PRSS23: variants seen among roughly 807,000 people sequenced by gnomAD.
PRSS23 encodes the protein protease, serine 23.
Under a neutral mutation model 34.7 loss-of-function variants are expected in PRSS23, and 25 were observed. The observed-to-expected ratio is 0.72, with a 90% CI of 0.53 to 1.01. PRSS23 has a LOEUF of 1.01. Among genes scored for constraint, PRSS23 ranks in the 50% least tolerant of loss-of-function variants. PRSS23 has a pLI of 0.00. For missense variants in PRSS23, 445 were observed against 475.6 expected (o/e 0.94, Z 0.60); for synonymous variants, 176 against 186.6 (o/e 0.94, Z 0.46).
chr11:86,848,413 A>T (rs1948504306), intron 2 of PRSS23, among the ~76,000 whole-genome samples: 1 of 152,210 alleles, frequency 6.6e-6, no homozygotes, highest in Non-Finnish European at 1.5e-5. Context: ...CCTTATTGGG[A>T]TACTGACTCA....
chr11:86,903,731 C>T (rs1260808031), intron 2 of PRSS23, among the ~76,000 whole-genome samples: 1 of 152,130 alleles, frequency 6.6e-6, no homozygotes, highest in Non-Finnish European at 1.5e-5. Context: ...GATCCACCTG[C>T]CTCGGCCTCC....
Position 86,952,597 on chromosome 11 carries a change from G to A in PRSS23, c.*1312G>A, listed in dbSNP as rs1171811791. 4.7e-5 allele frequency: 46 copies of A among 985,390 alleles called. 1 individual carries two copies. The highest frequency in any genetic ancestry group is 1.3e-4 in the African/African-American group (8 of 63,094). The allele number at this position is 985,390 out of a possible 1,614,324, so 61.0% of individuals were successfully genotyped here. ...GTATCTACTTTTAAACCAACCTATC[G>A]GGAGTCTGTCTGTTTACTCTGACCT... On this transcript the variant is annotated 3_prime_UTR_variant, in exon 3 of 3. Transcript: ENST00000533902.
At chr11:86,883,047 GTTGT>G in intron 2 of PRSS23, among the ~76,000 whole-genome samples, 1 of 152,248 alleles carries the variant, frequency 6.6e-6, no homozygotes, top group South Asian at 2.1e-4. Context: ...TTTTAATGGT[GTTGT>G]TTGTTTCTTT....
At chr11:86,832,926 A>C (rs951803991) in intron 2 of PRSS23, 4 of 351,582 alleles carry the variant, frequency 1.1e-5, no homozygotes, top group Non-Finnish European at 2.2e-5. Flanking sequence ...TCACAGAAGA[A>C]ATTAGGAATT....
intron 2 of PRSS23, among the ~76,000 whole-genome samples, chr11:86,894,552 G>A (rs1207357509): frequency 6.6e-6 from 1 of 152,164 alleles, no homozygotes; most frequent in Non-Finnish European, 1.5e-5. Context: ...AGCTCCCAGT[G>A]TCAAGGGACC....
intron 2 of PRSS23, among the ~76,000 whole-genome samples, chr11:86,925,242 T>A (rs1949072930): frequency 1.0e-5 from 1 of 96,092 alleles, no homozygotes; most frequent in Non-Finnish European, 2.6e-5. Flanking sequence ...TGTTTTCTCT[T>A]GGCAGGGAAT....
At chr11:86,852,641 T>C (rs553343875) in intron 2 of PRSS23, among the ~76,000 whole-genome samples, 5 of 152,332 alleles carry the variant, frequency 3.3e-5, no homozygotes, top group African/African-American at 1.2e-4. Flanking sequence ...GTTTACAGTT[T>C]AATGACATTA....
chr11:86,947,515 C>T (rs1484163564), intron 2 of PRSS23: 1 of 152,210 alleles, frequency 6.6e-6, no homozygotes, highest in East Asian at 1.9e-4. Context: ...TCTAGACACA[C>T]AAGCTTCCCG....
At chr11:86,843,819 G>A (rs1948466364) in intron 2 of PRSS23, among the ~76,000 whole-genome samples, 1 of 152,194 alleles carries the variant, frequency 6.6e-6, no homozygotes, top group Non-Finnish European at 1.5e-5. Context: ...GTTAGTGGGA[G>A]TGTAAGTTAG....
At chr11:86,884,325 A>G (rs1948788807) in intron 2 of PRSS23, among the ~76,000 whole-genome samples, 1 of 152,154 alleles carries the variant, frequency 6.6e-6, no homozygotes, top group Non-Finnish European at 1.5e-5. Flanking sequence ...TTTGAGACAG[A>G]GTCTCACTCT....
intron 2 of PRSS23, among the ~76,000 whole-genome samples, chr11:86,858,333 G>T (rs1948587792): frequency 6.6e-6 from 1 of 151,688 alleles, no homozygotes; most frequent in Admixed American, 6.6e-5. Flanking sequence ...TCCCAATATC[G>T]CAAGGGGTTT....
At chr11:86,854,002 A>C (rs190628407) in intron 2 of PRSS23, among the ~76,000 whole-genome samples, 21 of 151,922 alleles carry the variant, frequency 1.4e-4, no homozygotes, top group African/African-American at 4.6e-4. Context: ...GGCCATTGCT[A>C]TATCTTCTTT....
intron 2 of PRSS23, among the ~76,000 whole-genome samples, chr11:86,855,856 T>C (rs1190458611): frequency 6.6e-6 from 1 of 152,268 alleles, no homozygotes; most frequent in Non-Finnish European, 1.5e-5. Context: ...TTTGTCATTC[T>C]GTGCCTGGCT....
At chr11:86,877,464 A>G (rs1328645322) in intron 2 of PRSS23, among the ~76,000 whole-genome samples, 2 of 152,206 alleles carry the variant, frequency 1.3e-5, no homozygotes, top group Non-Finnish European at 2.9e-5. Flanking sequence ...ATTTTTATTA[A>G]CATATTTTTA....
At chr11:86,892,844 C>A (rs1002326014) in intron 2 of PRSS23, among the ~76,000 whole-genome samples, 1 of 152,018 alleles carries the variant, frequency 6.6e-6, no homozygotes, top group African/African-American at 2.4e-5. Flanking sequence ...GTTTTGAGAC[C>A]TCTTCTCATA....
chr11:86,882,434 C>T (rs1486603729), intron 2 of PRSS23, among the ~76,000 whole-genome samples: 1 of 152,148 alleles, frequency 6.6e-6, no homozygotes. Context: ...ATTTAGCTCC[C>T]ACTTGTAAGC....
intron 2 of PRSS23, among the ~76,000 whole-genome samples, chr11:86,888,571 G>A (rs1385561776): frequency 6.6e-6 from 1 of 152,174 alleles, no homozygotes; most frequent in Admixed American, 6.5e-5. Flanking sequence ...GTGTTCGGTG[G>A]AGTTACATGT....
chr11:86,899,885 G>T (rs1455004908), intron 2 of PRSS23, among the ~76,000 whole-genome samples: 1 of 151,768 alleles, frequency 6.6e-6, no homozygotes, highest in Non-Finnish European at 1.5e-5. Flanking sequence ...AAGTAAATTG[G>T]GAAGAGAAAC....
chr11:86,870,179 C>G (rs1371842473), intron 2 of PRSS23, among the ~76,000 whole-genome samples: 1 of 152,026 alleles, frequency 6.6e-6, no homozygotes, highest in Non-Finnish European at 1.5e-5. Flanking sequence ...ATGGAACTAG[C>G]ATCCCAGGCC....
Sources: allele counts gnomAD v4.1 joint callset (sites outside exome capture counted in the v4.1 genomes callset), GRCh38; gene constraint gnomAD v4.1.1; transcripts MANE v1.5; gene names NCBI Gene and HGNC (gene_info 2026-07-23, HGNC 2026-07-21).